Variants in SHC4 observed in about 807,000 individuals in gnomAD.
SHC4 encodes the protein SHC adaptor protein 4.
In SHC4, 41 loss-of-function variants were observed where a neutral mutation model predicts 69.4. The observed-to-expected ratio is 0.59, with a 90% confidence interval of 0.46 to 0.77. The LOEUF (loss-of-function observed/expected upper bound fraction) is 0.77. SHC4 is among the 30% of genes least tolerant of loss of function. The probability of loss-of-function intolerance (pLI) is 0.00; values close to 1 mark genes in which losing one functional copy is unlikely to be tolerated. For missense variants in SHC4, 777 were observed against 783.8 expected, an observed-to-expected ratio of 0.99 and a Z score of 0.10; for synonymous variants, 318 against 299.3, an observed-to-expected ratio of 1.06 and a Z score of -0.64.
At chr15:48,906,794 C>G (rs1013244115) in intron 2 of SHC4, among the ~76,000 whole-genome samples, 1 of 152,096 alleles carries the variant, frequency 6.6e-6, no homozygotes, top group African/African-American at 2.4e-5. Context: ...TTTGCTTAAG[C>G]TAGGCAATCA....
chr15:48,849,106 C>G (rs981737677), intron 9 of SHC4, among the ~76,000 whole-genome samples: 1 of 152,102 alleles, frequency 6.6e-6, no homozygotes, highest in Non-Finnish European at 1.5e-5. Context: ...CCTTAGGATG[C>G]TGTTGTAGGT....
chr15:48,862,052 T>C (rs10519191), intron 6 of SHC4, among the ~76,000 whole-genome samples: 6,301 of 152,212 alleles, frequency 0.041, 360 homozygotes, highest in African/African-American at 0.13. Context: ...CTCCATACTT[T>C]AGGAAGAAAC....
chr15:48,947,620 C>T (rs1901298890), intron 1 of SHC4, among the ~76,000 whole-genome samples: 1 of 152,076 alleles, frequency 6.6e-6, no homozygotes, highest in South Asian at 2.1e-4. Flanking sequence ...GCCTTTGAGT[C>T]CCTAGAAGCA....
intron 3 of SHC4, among the ~76,000 whole-genome samples, chr15:48,890,049 G>A (rs745416106): frequency 6.6e-6 from 1 of 152,236 alleles, no homozygotes; most frequent in Non-Finnish European, 1.5e-5. Context: ...CGCTGTGGTA[G>A]ATAGTATGTA....
chr15:48,955,333 C>G (rs8026917), intron 1 of SHC4, among the ~76,000 whole-genome samples: 9,035 of 152,112 alleles, frequency 0.059, 329 homozygotes, highest in South Asian at 0.11. Context: ...TGGGTAGGAG[C>G]GGGGTGTGGG....
intron 2 of SHC4, among the ~76,000 whole-genome samples, chr15:48,924,069 G>T (rs1900801115): frequency 6.6e-6 from 1 of 152,092 alleles, no homozygotes; most frequent in Non-Finnish European, 1.5e-5. Flanking sequence ...GCATTAGGGA[G>T]AGTTATTCTC....
chr15:48,916,893 A>G (rs143335643), intron 2 of SHC4, among the ~76,000 whole-genome samples: 24 of 152,376 alleles, frequency 1.6e-4, no homozygotes, highest in African/African-American at 5.5e-4. Flanking sequence ...AGAAAAGTAC[A>G]GAGTGGTAAG....
intron 1 of SHC4, chr15:48,938,249 C>T (rs894134905): frequency 6.6e-6 from 1 of 152,126 alleles, no homozygotes; most frequent in East Asian, 1.9e-4. Context: ...CAGCAAAATC[C>T]CAGGTTGTGT....
intron 2 of SHC4, among the ~76,000 whole-genome samples, chr15:48,902,963 C>T (rs1298396681): frequency 6.6e-6 from 1 of 152,142 alleles, no homozygotes; most frequent in Non-Finnish European, 1.5e-5. Flanking sequence ...CTTGCATACA[C>T]TTAACTAGAT....
chr15:48,877,992 C>A, intron 4 of SHC4: 2 of 628,166 alleles, frequency 3.2e-6, no homozygotes, highest in Non-Finnish European at 5.1e-6. Flanking sequence ...GCGACGCCAA[C>A]ACCCCGGAGA....
intron 1 of SHC4, among the ~76,000 whole-genome samples, chr15:48,931,023 G>A (rs1260524104): frequency 6.6e-6 from 1 of 152,114 alleles, no homozygotes; most frequent in Non-Finnish European, 1.5e-5. Flanking sequence ...ACCTATTGGG[G>A]TCACCTACCG....
intron 2 of SHC4, among the ~76,000 whole-genome samples, chr15:48,902,652 G>C (rs1900337998): frequency 6.6e-6 from 1 of 152,072 alleles, no homozygotes; most frequent in South Asian, 2.1e-4. Context: ...CTCCCCAGCA[G>C]CAGCAGGCAT....
At chr15:48,955,884 G>A (rs1901445210) in intron 1 of SHC4, among the ~76,000 whole-genome samples, 1 of 152,166 alleles carries the variant, frequency 6.6e-6, no homozygotes, top group Non-Finnish European at 1.5e-5. Flanking sequence ...TCCACCACTG[G>A]TAGATGTGTG....
chr15:48,962,859 T>C lies in SHC4; in HGVS notation c.157A>G (p.Lys53Glu), dbSNP rs775927724. Residue 53 changes from lysine to glutamate, a missense_variant, in exon 1 of 12, where the codon AAG becomes GAG. Coordinates refer to ENST00000332408, the MANE Select transcript of SHC4 (RefSeq NM_203349.4). ...EGSSGGSVGN[K>E]GSPQPPHPAL... ...GGGTGGGGAGGCTGCGGCGAGCCCTTGTTCCCGACCGAGCCTCCGGAGCTA... is the reference window on the plus strand; with the variant it reads ...GGGTGGGGAGGCTGCGGCGAGCCCTCGTTCCCGACCGAGCCTCCGGAGCTA... 8.1e-6 allele frequency: 13 copies of C among 1,613,050 alleles called. 1 individual carries two copies. The highest frequency in any genetic ancestry group is 4.0e-5 in the African/African-American group (3 of 74,870).
intron 2 of SHC4, among the ~76,000 whole-genome samples, chr15:48,909,087 T>C (rs2141015703): frequency 6.6e-6 from 1 of 152,286 alleles, no homozygotes; most frequent in South Asian, 2.1e-4. Flanking sequence ...CTGTGAAGAA[T>C]GATGGTGGTA....
chr15:48,908,855 G>T (rs1900457573), intron 2 of SHC4, among the ~76,000 whole-genome samples: 1 of 152,090 alleles, frequency 6.6e-6, no homozygotes. Context: ...AAGATCAGTT[G>T]GCTGTAAGTA....
At chr15:48,843,668 G>T in intron 9 of SHC4, 80 bp from the exon 10 acceptor site, 1 of 1,362,354 alleles carries the variant, frequency 7.3e-7, no homozygotes, top group Non-Finnish European at 1.0e-6. Context: ...GTCTAGAATT[G>T]ATAGAAACCT....
chr15:48,865,255 G>A (rs1446582757), intron 6 of SHC4, among the ~76,000 whole-genome samples: 3 of 152,210 alleles, frequency 2.0e-5, no homozygotes, highest in African/African-American at 7.2e-5. Flanking sequence ...AAGGGCTCAG[G>A]TCGGGGGAAA....
At chr15:48,944,721 G>A (rs543479310) in intron 1 of SHC4, among the ~76,000 whole-genome samples, 1 of 152,186 alleles carries the variant, frequency 6.6e-6, no homozygotes, top group Non-Finnish European at 1.5e-5. Context: ...TGTGCTTTCA[G>A]ATGGCAGCTG....
Sources: allele counts gnomAD v4.1 joint callset (sites outside exome capture counted in the v4.1 genomes callset), GRCh38; gene constraint gnomAD v4.1.1; transcripts MANE v1.5; gene names NCBI Gene and HGNC (gene_info 2026-07-23, HGNC 2026-07-21).